Variants in APP observed in about 807,000 individuals in gnomAD.
APP encodes amyloid beta precursor protein, also known as amyloid-beta precursor protein.
A neutral mutation model predicts 101.4 loss-of-function variants in APP; 31 were observed. That is an observed-to-expected ratio of 0.31 (90% CI 0.23 to 0.41). The LOEUF is 0.41. Ranked by LOEUF, APP falls within the 10% of genes least tolerant of loss-of-function variation. The pLI is 1.00. For synonymous variants in APP, 366 were observed against 364.4 expected (o/e 1.00, Z -0.05); for missense variants, 839 against 1,003.7 (o/e 0.84, Z 2.22).
At position 25,999,763 on chromosome 21, in the gene APP, T is replaced by C. The variant is rs1043343743; in HGVS notation, c.1033+252A>G. On this transcript the variant is annotated intron_variant, in intron 7 of 17. Coordinates refer to ENST00000346798, the MANE Select transcript of APP (RefSeq NM_000484.4). ...AGAAGCACTCAAAAGTCCCTCTGGA[T>C]TGCAAGACATATGTGCTACAGCTAG... 5.3e-5 allele frequency among the ~76,000 whole-genome samples: 8 copies of C among 152,208 alleles called. No homozygotes were observed. In the South Asian group the frequency reaches 1.4e-3, roughly 28 times the overall value.
chr21:26,031,666 G>A (rs2044830805), intron 5 of APP, among the ~76,000 whole-genome samples: 1 of 151,106 alleles, frequency 6.6e-6, no homozygotes, highest in Admixed American at 6.6e-5. Context: ...CGCAAGAATA[G>A]TACAGAGAAG....
At chr21:26,050,869 A>T (rs1192982283) in intron 5 of APP, 131 bp downstream of exon 5, 2 of 1,075,424 alleles carry the variant, frequency 1.9e-6, no homozygotes, top group Non-Finnish European at 2.7e-6. Context: ...AGATTTTTGC[A>T]TAACAGCAGA....
chr21:25,905,169 G>A, intron 14 of APP, 92 bp from the exon 15 acceptor site: 1 of 1,061,690 alleles, frequency 9.4e-7, no homozygotes, highest in Non-Finnish European at 1.4e-6. Context: ...AGGGAAAAAA[G>A]CATATGCAAT....
intron 2 of APP, among the ~76,000 whole-genome samples, chr21:26,102,962 T>C (rs150784159): frequency 4.7e-4 from 70 of 150,494 alleles, no homozygotes; most frequent in Non-Finnish European, 7.8e-4. Flanking sequence ...CATAATGCTA[T>C]GAGAGATACT....
intron 1 of APP, among the ~76,000 whole-genome samples, chr21:26,123,714 T>G (rs879413390): frequency 1.3e-5 from 2 of 152,182 alleles, no homozygotes; most frequent in Non-Finnish European, 2.9e-5. Context: ...CTTGACTATA[T>G]TTATAAAAAA....
At chr21:25,925,362 G>T (rs1024774878) in intron 13 of APP, among the ~76,000 whole-genome samples, 4 of 152,170 alleles carry the variant, frequency 2.6e-5, no homozygotes, top group Admixed American at 1.3e-4. Flanking sequence ...CCGCAAAATC[G>T]TGGGAGGCTG....
At chr21:26,100,741 T>C (rs1274692208) in intron 2 of APP, among the ~76,000 whole-genome samples, 1 of 152,210 alleles carries the variant, frequency 6.6e-6, no homozygotes, top group Admixed American at 6.5e-5. Context: ...ATCCTGTTAA[T>C]CTATAGATTA....
At chr21:25,893,324 G>C (rs1260288368) in intron 16 of APP, among the ~76,000 whole-genome samples, 1 of 152,196 alleles carries the variant, frequency 6.6e-6, no homozygotes, top group Non-Finnish European at 1.5e-5. Context: ...GGCCTCTTAA[G>C]TATTCAAGTG....
chr21:25,972,229 G>C (rs944846134), intron 11 of APP, among the ~76,000 whole-genome samples: 3 of 151,960 alleles, frequency 2.0e-5, no homozygotes, highest in Non-Finnish European at 2.9e-5. Context: ...GAGGTGATAA[G>C]ATGAAAAACG....
At chr21:25,998,791 C>A (rs1054992151) in intron 7 of APP, among the ~76,000 whole-genome samples, 14 of 151,746 alleles carry the variant, frequency 9.2e-5, no homozygotes, top group Admixed American at 6.6e-5. Flanking sequence ...ACAACAACAA[C>A]AAATAAATAA....
intron 13 of APP, among the ~76,000 whole-genome samples, chr21:25,935,839 CAAAAAAAAA>C (rs67114400): frequency 2.6e-5 from 2 of 77,052 alleles, no homozygotes; most frequent in African/African-American, 1.1e-4. Flanking sequence ...GACTCTGTCT[CAAAAAAAAA>C]AAAAAAAAAA....
chr21:26,101,784 T>G (rs1217477695), intron 2 of APP, among the ~76,000 whole-genome samples: 1 of 152,334 alleles, frequency 6.6e-6, no homozygotes, highest in Admixed American at 6.5e-5. Context: ...CTGCCATAGC[T>G]TCCACCTATC....
At chr21:25,967,702 A>T (rs1464555544) in intron 11 of APP, among the ~76,000 whole-genome samples, 1 of 152,228 alleles carries the variant, frequency 6.6e-6, no homozygotes, top group Non-Finnish European at 1.5e-5. Flanking sequence ...AAGGATAAGC[A>T]GAACGCTGAG....
At chr21:26,142,226 G>A (rs1226571954) in intron 1 of APP, among the ~76,000 whole-genome samples, 3 of 152,116 alleles carry the variant, frequency 2.0e-5, no homozygotes, top group Non-Finnish European at 4.4e-5. Flanking sequence ...ATGCGTCCTG[G>A]ATGGAGAAAA....
At chr21:25,974,245 T>C (rs919290069) in intron 11 of APP, among the ~76,000 whole-genome samples, 1 of 152,194 alleles carries the variant, frequency 6.6e-6, no homozygotes, top group African/African-American at 2.4e-5. Flanking sequence ...AAATCTCAAC[T>C]TTCCTTGACC....
At chr21:25,933,638 G>C (rs970115065) in intron 13 of APP, among the ~76,000 whole-genome samples, 1 of 152,016 alleles carries the variant, frequency 6.6e-6, no homozygotes, top group Admixed American at 6.6e-5. Context: ...TCACATTATA[G>C]AGCATTTATA....
At chr21:26,042,614 C>T (rs935103724) in intron 5 of APP, among the ~76,000 whole-genome samples, 2 of 152,142 alleles carry the variant, frequency 1.3e-5, no homozygotes, top group African/African-American at 4.8e-5. Context: ...CAAGATTTCA[C>T]CCCTTGGTCT....
At chr21:25,896,405 A>G (rs2038045618) in intron 16 of APP, among the ~76,000 whole-genome samples, 1 of 148,838 alleles carries the variant, frequency 6.7e-6, no homozygotes, top group Middle Eastern at 3.2e-3. Flanking sequence ...TTCTGCTTGG[A>G]AAAAAGTAAC....
chr21:25,966,744 C>T (rs147842441), intron 11 of APP, among the ~76,000 whole-genome samples: 2 of 152,140 alleles, frequency 1.3e-5, no homozygotes, highest in East Asian at 1.9e-4. Context: ...GGGCAATTAG[C>T]GGTATCATAT....
Sources: allele counts gnomAD v4.1 joint callset (sites outside exome capture counted in the v4.1 genomes callset), GRCh38; gene constraint gnomAD v4.1.1; transcripts MANE v1.5; gene names NCBI Gene and HGNC (gene_info 2026-07-23, HGNC 2026-07-21).